GAS7: variants seen among roughly 807,000 people sequenced by gnomAD.
The protein encoded by GAS7 is growth arrest specific 7.
In GAS7, 28 loss-of-function variants were observed where a neutral mutation model predicts 71.1. That is an observed-to-expected ratio of 0.39 (90% confidence interval 0.29 to 0.54). The LOEUF is 0.54. Among genes scored for constraint, GAS7 ranks in the 20% least tolerant of loss-of-function variants. GAS7 has a pLI of 0.62. For synonymous variants in GAS7, 258 were observed against 245.8 expected, an observed-to-expected ratio of 1.05 and a Z score of -0.46; for missense variants, 436 against 627.8, an observed-to-expected ratio of 0.69 and a Z score of 3.27.
At chr17:9,936,441 T>G (rs1264143335) in intron 8 of GAS7, among the ~76,000 whole-genome samples, 1 of 152,102 alleles carries the variant, frequency 6.6e-6, no homozygotes, top group Non-Finnish European at 1.5e-5. Context: ...GAGAATGTCA[T>G]CTCTGGGCAA....
intron 5 of GAS7, among the ~76,000 whole-genome samples, chr17:9,954,175 G>C (rs963624652): frequency 1.5e-4 from 23 of 152,178 alleles, no homozygotes; most frequent in African/African-American, 5.6e-4. Flanking sequence ...GCGTTGCTCG[G>C]TTTGGCTGAG....
chr17:9,923,379 A>C (rs963440339), intron 11 of GAS7, among the ~76,000 whole-genome samples: 13 of 42,484 alleles, frequency 3.1e-4, no homozygotes, highest in African/African-American at 2.1e-3. Flanking sequence ...CAAACAAGCA[A>C]AAAAAAAAAA....
chr17:10,009,671 C>CAAAAA (rs373722135), intron 2 of GAS7, among the ~76,000 whole-genome samples: 4 of 78,254 alleles, frequency 5.1e-5, no homozygotes, highest in African/African-American at 1.7e-4. Context: ...GACCCCTTCT[C>CAAAAA]AAAAAAAAAA....
chr17:10,111,362 T>G lies in GAS7; in HGVS notation c.183+86846A>C, dbSNP rs182500462. Among the ~76,000 whole-genome samples, 314 of 151,378 alleles carry G rather than the reference T, an allele frequency of 2.1e-3. 1 individual carries two copies. Among genetic ancestry groups the G allele is most frequent in the African/African-American group, 6.4e-3 (264 of 41,222 alleles). Reference sequence around the variant, plus strand: ...TGTTGGATAACACAGTGAAACCCCGTCTCTATTAAAAATACAAAATAATAG... The same window carrying G: ...TGTTGGATAACACAGTGAAACCCCGGCTCTATTAAAAATACAAAATAATAG... On this transcript the variant is annotated intron_variant, in intron 1 of 13. Coordinates refer to ENST00000432992, the MANE Select transcript of GAS7 (RefSeq NM_201433.2).
intron 1 of GAS7, among the ~76,000 whole-genome samples, chr17:10,175,425 A>C (rs1313193540): frequency 6.6e-6 from 1 of 152,096 alleles, no homozygotes; most frequent in Non-Finnish European, 1.5e-5. Context: ...GAAGCTGGGA[A>C]TCCAAGCTCA....
intron 1 of GAS7, among the ~76,000 whole-genome samples, chr17:10,101,379 A>T (rs1053416327): frequency 1.3e-5 from 2 of 152,258 alleles, no homozygotes; most frequent in Non-Finnish European, 1.5e-5. Flanking sequence ...GAAAACAAGC[A>T]TGGCGGAAGC....
chr17:10,169,969 CTTGAAACTCGCT>C (rs1354498528), intron 1 of GAS7, among the ~76,000 whole-genome samples: 3 of 152,130 alleles, frequency 2.0e-5, no homozygotes, highest in Admixed American at 6.6e-5. Context: ...TGCCAAAAAC[CTTGAAACTCGCT>C]TTGAGTTCTC....
chr17:9,947,891 A>ACCAGCCC (rs1035014740), intron 5 of GAS7, among the ~76,000 whole-genome samples: 14 of 152,018 alleles, frequency 9.2e-5, no homozygotes, highest in African/African-American at 3.1e-4. Context: ...GGAAGACAAG[A>ACCAGCCC]CCAGCCCCTC....
At chr17:10,147,765 G>A (rs1274156362) in intron 1 of GAS7, among the ~76,000 whole-genome samples, 1 of 152,186 alleles carries the variant, frequency 6.6e-6, no homozygotes, top group East Asian at 1.9e-4. Flanking sequence ...GCTTCCCAAA[G>A]CCAAGCTCAA....
intron 1 of GAS7, among the ~76,000 whole-genome samples, chr17:10,125,891 A>G (rs948748609): frequency 2.0e-5 from 3 of 152,120 alleles, no homozygotes; most frequent in African/African-American, 7.2e-5. Context: ...CTCTACCCTC[A>G]CATACACCCG....
intron 5 of GAS7, among the ~76,000 whole-genome samples, chr17:9,954,564 C>A (rs1325398256): frequency 6.6e-6 from 1 of 152,048 alleles, no homozygotes; most frequent in Non-Finnish European, 1.5e-5. Context: ...ACAGGTAGCC[C>A]TTGACAGCAC....
intron 11 of GAS7, among the ~76,000 whole-genome samples, chr17:9,925,189 A>G (rs1425328361): frequency 6.6e-6 from 1 of 151,504 alleles, no homozygotes; most frequent in East Asian, 1.9e-4. Flanking sequence ...GCGGAAAACA[A>G]AAAAAGCCAC....
rs573656744 is a variant in GAS7 at position 10,149,637 on chromosome 17, C to T, written c.183+48571G>A. ...ACTGAAAACATGTCCCACAAAAAAA[C>T]TTGTACACCAATGTTTGTCACAGCA... On this transcript the variant is annotated intron_variant, in intron 1 of 13. Transcript: ENST00000432992. Among the ~76,000 whole-genome samples the T allele has an allele frequency of 4.6e-5, 7 of 152,258 alleles. No homozygotes were observed. The South Asian group carries it at 1.2e-3, about 27-fold the overall frequency.
intron 2 of GAS7, among the ~76,000 whole-genome samples, chr17:9,993,819 A>T (rs1303766864): frequency 6.6e-6 from 1 of 151,814 alleles, no homozygotes; most frequent in African/African-American, 2.4e-5. Context: ...GCTGATAAGC[A>T]ACTTCAGCAA....
intron 2 of GAS7, among the ~76,000 whole-genome samples, chr17:10,005,743 C>A (rs2071504898): frequency 6.6e-6 from 1 of 152,194 alleles, no homozygotes; most frequent in African/African-American, 2.4e-5. Context: ...CAAGTGACAT[C>A]TACCCTCCCT....
chr17:10,035,743 T>C (rs945132378), intron 1 of GAS7, among the ~76,000 whole-genome samples: 1 of 152,120 alleles, frequency 6.6e-6, no homozygotes, highest in African/African-American at 2.4e-5. Context: ...GGTGGAAAGA[T>C]TGGTGAAACA....
chr17:10,017,655 C>A (rs1018094931), intron 2 of GAS7, among the ~76,000 whole-genome samples: 1 of 152,150 alleles, frequency 6.6e-6, no homozygotes, highest in Non-Finnish European at 1.5e-5. Flanking sequence ...ATAACACACA[C>A]AAGTCATCTG....
In GAS7 at chr17:9,915,675, A is replaced by C. The variant is rs2067564509; in HGVS notation, c.*1553T>G. 4.4e-6 allele frequency: 1 copy of C among 229,876 alleles called. No individual in the cohort carries two copies. The highest frequency in any genetic ancestry group is 8.6e-6 in the Non-Finnish European group (1 of 116,032). 14.2% of individuals were successfully genotyped at this position (229,876 alleles called of 1,614,324 possible). A position where few individuals can be genotyped will look rare whatever the true frequency, so the allele number is the denominator to read the frequency against. Reference sequence around the variant, plus strand: ...CGGTTTCTAGCACGTTGACTGAAAGACCAGTGAGTTGTGCTTGTTGAATTC... The same window carrying C: ...CGGTTTCTAGCACGTTGACTGAAAGCCCAGTGAGTTGTGCTTGTTGAATTC... On this transcript the variant is annotated 3_prime_UTR_variant, in exon 14 of 14. Coordinates refer to ENST00000432992, the MANE Select transcript of GAS7 (RefSeq NM_201433.2).
chr17:10,013,052 G>T (rs903759560), intron 2 of GAS7, among the ~76,000 whole-genome samples: 4 of 150,058 alleles, frequency 2.7e-5, no homozygotes, highest in African/African-American at 9.9e-5. Flanking sequence ...GCAGTGAGCC[G>T]AGATCGTGCC....
Sources: allele counts gnomAD v4.1 joint callset (sites outside exome capture counted in the v4.1 genomes callset), GRCh38; gene constraint gnomAD v4.1.1; transcripts MANE v1.5; gene names NCBI Gene and HGNC (gene_info 2026-07-23, HGNC 2026-07-21).